GABRB2: variants seen among roughly 807,000 people sequenced by gnomAD.
GABRB2 encodes the protein gamma-aminobutyric acid receptor subunit beta-2.
A neutral mutation model predicts 54.7 loss-of-function variants in GABRB2; 16 were observed. The observed-to-expected ratio is 0.29, with a 90% CI of 0.20 to 0.44. The LOEUF (loss-of-function observed/expected upper bound fraction) is 0.44, where lower values mean the gene tolerates loss of function less well. Among genes scored for constraint, GABRB2 ranks in the 20% least tolerant of loss-of-function variants. The probability of loss-of-function intolerance (pLI) is 1.00; values close to 1 mark genes in which losing one functional copy is unlikely to be tolerated. For missense variants in GABRB2, 355 were observed against 644.0 expected, an observed-to-expected ratio of 0.55 and a Z score of 4.86; for synonymous variants, 244 against 233.8, an observed-to-expected ratio of 1.04 and a Z score of -0.40.
chr5:161,428,038 C>A (rs1438825347), intron 4 of GABRB2, among the ~76,000 whole-genome samples: 1 of 152,130 alleles, frequency 6.6e-6, no homozygotes, highest in Non-Finnish European at 1.5e-5. Flanking sequence ...TCTCCCCCTG[C>A]CCCATTCAAA....
chr5:161,498,267 G>A (rs1300334486), intron 3 of GABRB2, among the ~76,000 whole-genome samples: 2 of 151,840 alleles, frequency 1.3e-5, no homozygotes, highest in Non-Finnish European at 2.9e-5. Flanking sequence ...GTCACGTAAT[G>A]CTTCACATTA....
At chr5:161,410,360 C>T (rs2113112064) in intron 5 of GABRB2, among the ~76,000 whole-genome samples, 1 of 148,396 alleles carries the variant, frequency 6.7e-6, no homozygotes, top group South Asian at 2.2e-4. Flanking sequence ...AAGCACATTG[C>T]AAAACAAGTC....
chr5:161,383,644 A>T (rs1388920218), intron 5 of GABRB2, among the ~76,000 whole-genome samples: 1 of 152,184 alleles, frequency 6.6e-6, no homozygotes, highest in African/African-American at 2.4e-5. Flanking sequence ...CATTTTGGAT[A>T]GTGAAGCTCT....
intron 3 of GABRB2, among the ~76,000 whole-genome samples, chr5:161,487,786 A>G (rs1218899984): frequency 6.6e-6 from 1 of 151,946 alleles, no homozygotes; most frequent in Non-Finnish European, 1.5e-5. Flanking sequence ...ACACTGGATA[A>G]ATGGTAGCTG....
intron 4 of GABRB2, among the ~76,000 whole-genome samples, chr5:161,424,166 G>C (rs1459334514): frequency 6.6e-6 from 1 of 152,174 alleles, no homozygotes; most frequent in Non-Finnish European, 1.5e-5. Context: ...TTCAAATGCT[G>C]ATGGAGAAAA....
At chr5:161,384,620 T>C (rs1007601196) in intron 5 of GABRB2, among the ~76,000 whole-genome samples, 1 of 152,184 alleles carries the variant, frequency 6.6e-6, no homozygotes, top group South Asian at 2.1e-4. Context: ...CAGCTTTTGG[T>C]GAAACTTCAC....
At chr5:161,339,974 A>G (rs1754108331) in intron 5 of GABRB2, among the ~76,000 whole-genome samples, 1 of 152,036 alleles carries the variant, frequency 6.6e-6, no homozygotes, top group African/African-American at 2.4e-5. Flanking sequence ...TTTTACAAAA[A>G]AATGCAGCCA....
At chr5:161,541,461 A>T (rs1419806508) in intron 3 of GABRB2, among the ~76,000 whole-genome samples, 1 of 152,200 alleles carries the variant, frequency 6.6e-6, no homozygotes, top group Non-Finnish European at 1.5e-5. Flanking sequence ...CTTCTGATAG[A>T]AGACTCTCTT....
At chr5:161,326,001 C>G (rs986659797) in intron 9 of GABRB2, among the ~76,000 whole-genome samples, 1 of 152,064 alleles carries the variant, frequency 6.6e-6, no homozygotes, top group Non-Finnish European at 1.5e-5. Context: ...GTTTAATTCA[C>G]CTATTCAATC....
intron 9 of GABRB2, among the ~76,000 whole-genome samples, chr5:161,315,341 G>A (rs1180614480): frequency 6.6e-6 from 1 of 152,136 alleles, no homozygotes; most frequent in Non-Finnish European, 1.5e-5. Flanking sequence ...ACTGAATCAG[G>A]TGCGATTTAG....
At chr5:161,403,733 A>T (rs1233978502) in intron 5 of GABRB2, among the ~76,000 whole-genome samples, 1 of 152,196 alleles carries the variant, frequency 6.6e-6, no homozygotes, top group Non-Finnish European at 1.5e-5. Context: ...AAGAGTTCTT[A>T]GAAACTGAAA....
chr5:161,485,048 T>A (rs1010636470), intron 3 of GABRB2, among the ~76,000 whole-genome samples: 1 of 151,948 alleles, frequency 6.6e-6, no homozygotes, highest in Non-Finnish European at 1.5e-5. Context: ...GTTTCTTCTG[T>A]CTGTATGACC....
intron 3 of GABRB2, among the ~76,000 whole-genome samples, chr5:161,500,091 T>C (rs1581037063): frequency 6.6e-6 from 1 of 152,336 alleles, no homozygotes; most frequent in East Asian, 1.9e-4. Context: ...TGGTTTTCTC[T>C]TAGTTCATTT....
intron 9 of GABRB2, among the ~76,000 whole-genome samples, chr5:161,325,385 A>G (rs1758332481): frequency 6.6e-6 from 1 of 152,126 alleles, no homozygotes; most frequent in African/African-American, 2.4e-5. Flanking sequence ...TTATTACTAT[A>G]TAACACAAGT....
chr5:161,505,894 C>G (rs913783238), intron 3 of GABRB2, among the ~76,000 whole-genome samples: 8 of 152,074 alleles, frequency 5.3e-5, no homozygotes, highest in African/African-American at 1.9e-4. Flanking sequence ...AGCTAGCATG[C>G]CTGCTATCAC....
intron 4 of GABRB2, among the ~76,000 whole-genome samples, chr5:161,412,047 A>G (rs1176181269): frequency 6.6e-6 from 1 of 152,174 alleles, no homozygotes; most frequent in African/African-American, 2.4e-5. Flanking sequence ...AGCTTACTGT[A>G]GTGTGAGGGG....
At chr5:161,294,972 C>T (rs1224965376) in intron 9 of GABRB2, among the ~76,000 whole-genome samples, 1 of 152,104 alleles carries the variant, frequency 6.6e-6, no homozygotes, top group Non-Finnish European at 1.5e-5. Flanking sequence ...TTTCTTAAAA[C>T]CCCCAGTTAT....
At chr5:161,303,208 A>G (rs1345335480) in intron 9 of GABRB2, among the ~76,000 whole-genome samples, 1 of 152,162 alleles carries the variant, frequency 6.6e-6, no homozygotes, top group East Asian at 1.9e-4. Context: ...AATAATTTAA[A>G]CTTATGTTTA....
intron 5 of GABRB2, among the ~76,000 whole-genome samples, chr5:161,342,888 G>T (rs537833534): frequency 5.3e-5 from 8 of 152,178 alleles, no homozygotes; most frequent in Admixed American, 5.2e-4. Flanking sequence ...TTTCAGGGAA[G>T]CAGCATGATT....
Sources: gnomAD v4.1 joint callset for allele counts (sites outside exome capture counted in the v4.1 genomes callset) on GRCh38, gnomAD v4.1.1 for gene constraint, MANE v1.5 for transcripts, NCBI Gene and HGNC (gene_info 2026-07-23, HGNC 2026-07-21) for gene names.